PHC1: variants seen among roughly 807,000 people sequenced by gnomAD.
The protein encoded by PHC1 is polyhomeotic-like protein 1.
A neutral mutation model predicts 104.3 loss-of-function variants in PHC1; 12 were observed. The observed-to-expected ratio is 0.12, with a 90% CI of 0.07 to 0.19. The LOEUF is 0.19. PHC1 is among the 10% of genes least tolerant of loss of function. PHC1 has a pLI of 1.00. For missense variants in PHC1, 671 were observed against 1,200.0 expected (o/e 0.56, Z 6.51); for synonymous variants, 302 against 455.8 (o/e 0.66, Z 4.30).
At position 8,922,630 on chromosome 12, in the gene PHC1, C is replaced by T. The variant is rs774298369; in HGVS notation, c.457-3C>T. 1.9e-6 allele frequency: 3 copies of T among 1,564,200 alleles called. No individual in the cohort carries two copies. Among genetic ancestry groups the T allele is most frequent in the Admixed American group, 3.8e-5 (2 of 52,298 alleles). Reference sequence around the variant, plus strand: ...TTGCTCTTCCTCTTCCTCTCCTTGCCAGCCACAGCTGGGAAACCTATTGCA... The same window carrying T: ...TTGCTCTTCCTCTTCCTCTCCTTGCTAGCCACAGCTGGGAAACCTATTGCA... On this transcript the variant is annotated splice_region_variant and splice_polypyrimidine_tract_variant and intron_variant, in intron 5 of 14. Transcript: ENST00000544916.
chr12:8,936,129 C>T (rs944829552), intron 11 of PHC1, among the ~76,000 whole-genome samples: 1 of 152,098 alleles, frequency 6.6e-6, no homozygotes, highest in Non-Finnish European at 1.5e-5. Context: ...ACCTATAATT[C>T]CAGTACTTTG....
chr12:8,921,949 G>T (rs992759418), intron 5 of PHC1, among the ~76,000 whole-genome samples, 199 bp downstream of exon 5: 4 of 152,192 alleles, frequency 2.6e-5, no homozygotes, highest in Admixed American at 1.3e-4. Flanking sequence ...AGGTAGCTGG[G>T]ATTACAGGCA....
intron 9 of PHC1, 102 bp downstream of exon 9, chr12:8,934,114 G>T: frequency 7.1e-7 from 1 of 1,415,110 alleles, no homozygotes; most frequent in South Asian, 1.2e-5. Context: ...TGGGCCAGAA[G>T]TTGGTGGACA....
intron 6 of PHC1, among the ~76,000 whole-genome samples, chr12:8,927,860 TC>T (rs1299758270): frequency 1.7e-5 from 1 of 59,546 alleles, no homozygotes; most frequent in African/African-American, 8.4e-5. Context: ...TAGTTTTCTT[TC>T]TTTCTTTCTT....
Position 8,917,771 on chromosome 12 carries a change from T to C in PHC1, c.94T>C (p.Tyr32His), listed in dbSNP as rs1216795875. The C allele has an allele frequency of 2.6e-6, 4 of 1,564,834 alleles. No individual in the cohort carries two copies. The highest frequency in any genetic ancestry group is 3.5e-6 in the Non-Finnish European group (4 of 1,149,384). The part of the protein sequence containing the change: ...SRPQIAQMSL[Y>H]ERQAVQALQA... The stretch of plus-strand genomic sequence containing the variant: ...GCCCCAGATAGCTCAAATGTCACTT[T>C]ATGAACGACAAGCAGTGCAGGTGAG... Residue 32 changes from tyrosine (Y) to histidine (H), a missense_variant, in exon 2 of 15, where the codon TAT becomes CAT. Transcript: ENST00000544916.
In PHC1 at chr12:8,919,674, C is replaced by G. The variant is rs1945302202; in HGVS notation, c.115-82C>G. ...CTGGTTTCTGTCCTTCCCATGGCCCCCTTTCACACAAATACAGTGATTTAC... is the reference window on the plus strand; with the variant it reads ...CTGGTTTCTGTCCTTCCCATGGCCCGCTTTCACACAAATACAGTGATTTAC... On this transcript the variant is annotated intron_variant, in intron 2 of 14. Transcript: ENST00000544916. This position sits in a 1 kb window ranked among gnomAD's most constrained non-coding sequence, Gnocchi z 4.9. 4.4e-6 allele frequency: 6 copies of G among 1,356,030 alleles called. No homozygotes were observed. The Admixed American group carries it at 8.2e-5, about 19-fold the overall frequency. The allele number at this position is 1,356,030 out of a possible 1,614,324, so 84.0% of individuals were successfully genotyped here. A position where few individuals can be genotyped will look rare whatever the true frequency, so the allele number is the denominator to read the frequency against.
chr12:8,922,081 TA>T (rs1945382410), intron 5 of PHC1, among the ~76,000 whole-genome samples: 1 of 152,238 alleles, frequency 6.6e-6, no homozygotes, highest in South Asian at 2.1e-4. Context: ...CCCAAAGTGC[TA>T]GGATTACAGG....
chr12:8,937,612 T>C (rs1945876463), intron 13 of PHC1, among the ~76,000 whole-genome samples: 3 of 152,176 alleles, frequency 2.0e-5, no homozygotes, highest in African/African-American at 7.2e-5. Flanking sequence ...AAAATCTAGA[T>C]CAATTGTTAG....
intron 6 of PHC1, among the ~76,000 whole-genome samples, chr12:8,928,545 G>T (rs1945594541): frequency 6.6e-6 from 1 of 151,756 alleles, no homozygotes; most frequent in Admixed American, 6.6e-5. Context: ...TCTTCCCTCG[G>T]GTCCTTTTTT....
At chr12:8,931,358 A>G (rs1254575162) in intron 7 of PHC1, among the ~76,000 whole-genome samples, 1 of 152,244 alleles carries the variant, frequency 6.6e-6, no homozygotes, top group Non-Finnish European at 1.5e-5. Flanking sequence ...TAATGTGGTT[A>G]CTTGATCCAG....
Position 8,940,311 on chromosome 12 carries a change from T to TCTTA in PHC1, c.*855_*858dup, listed in dbSNP as rs1394154111. ...AAAGGATGAAAATTGGTTTCAGTTG[T>TCTTA]CTTACTCTATTCCAGTCTTTGCCCA... On this transcript the variant is annotated 3_prime_UTR_variant, in exon 15 of 15. Transcript: ENST00000544916. The TCTTA allele has an allele frequency of 5.8e-6, 1 of 171,868 alleles. No homozygotes were observed. The highest frequency in any genetic ancestry group is 1.3e-5 in the Non-Finnish European group (1 of 78,610). 10.6% of individuals were successfully genotyped at this position (171,868 alleles called of 1,614,324 possible). A position where few individuals can be genotyped will look rare whatever the true frequency, so the allele number is the denominator to read the frequency against.
Position 8,933,460 on chromosome 12 carries a change from T to C in PHC1, c.1893+110T>C, listed in dbSNP as rs894577695. The C allele has an allele frequency of 6.3e-6, 8 of 1,264,016 alleles. No homozygotes were observed. The African/African-American group carries it at 1.2e-4, about 19-fold the overall frequency. 78.3% of individuals were successfully genotyped at this position (1,264,016 alleles called of 1,614,324 possible). Reference sequence around the variant, plus strand: ...GGGAATAAAGAGTTAAGAGGGTTAATATTGGTATTTATCTGCTTCTTCTGT... The same window carrying C: ...GGGAATAAAGAGTTAAGAGGGTTAACATTGGTATTTATCTGCTTCTTCTGT... On this transcript the variant is annotated intron_variant, in intron 8 of 14. Transcript: ENST00000544916.
At position 8,919,922 on chromosome 12, in the gene PHC1, G is replaced by A. The variant is rs1397885856; in HGVS notation, c.225+56G>A. The A allele has an allele frequency of 6.4e-7, 1 of 1,570,450 alleles. No individual in the cohort carries two copies. Among genetic ancestry groups the A allele is most frequent in the African/African-American group, 1.3e-5 (1 of 74,126 alleles). On this transcript the variant is annotated intron_variant, in intron 3 of 14. Transcript: ENST00000544916. This position sits in a 1 kb window ranked among gnomAD's most constrained non-coding sequence, Gnocchi z 4.9. ...GGGAGGGGACAGGCACTACAGGTGG[G>A]TAGGGGAGATTTTTTGGGCATATAG...
chr12:8,932,445 C>T, intron 7 of PHC1, 118 bp from the exon 8 acceptor site: 1 of 1,044,326 alleles, frequency 9.6e-7, no homozygotes, highest in Non-Finnish European at 1.4e-6. Context: ...GATTTCTTTT[C>T]ACCGCATAAT....
At chr12:8,928,549 C>G (rs1332151552) in intron 6 of PHC1, among the ~76,000 whole-genome samples, 3 of 152,106 alleles carry the variant, frequency 2.0e-5, no homozygotes, top group East Asian at 3.9e-4. Flanking sequence ...CCCTCGGGTC[C>G]TTTTTTATAT....
intron 5 of PHC1, 130 bp from the exon 6 acceptor site, chr12:8,922,503 G>C (rs1945394495): frequency 2.4e-5 from 17 of 715,262 alleles, no homozygotes; most frequent in Non-Finnish European, 3.7e-5. Context: ...TCCTGGGTTG[G>C]TGTGGAAGAG....
chr12:8,924,090 T>TC (rs1565515161), intron 6 of PHC1, among the ~76,000 whole-genome samples: 1 of 152,178 alleles, frequency 6.6e-6, no homozygotes, highest in East Asian at 1.9e-4. Flanking sequence ...CTGGAACTAA[T>TC]CCCCTGTGGA....
At chr12:8,915,666 G>C (rs997142811) in intron 1 of PHC1, 1 of 142,774 alleles carries the variant, frequency 7.0e-6, no homozygotes, top group Admixed American at 7.4e-5. Context: ...TTGATACCTG[G>C]TGCTGCCCAA....
rs777870016 is a variant in PHC1, at chr12:8,930,761, G to A, written c.939G>A (p.Gln313=). ...CCAGAAAGGGTACAGGAGTGGTGCA[G>A]CCCTTGCCTGCAGCCCAAACAGTGA... ...SCPRKGTGVV[Q]PLPAAQTVTV... Residue 313 remains glutamine, a synonymous_variant, in exon 7 of 15, where the codon CAG becomes CAA. Transcript: ENST00000544916. The A allele has an allele frequency of 1.4e-5, 19 of 1,361,602 alleles. No individual in the cohort carries two copies. Among genetic ancestry groups the A allele is most frequent in the Non-Finnish European group, 1.8e-5 (18 of 984,946 alleles). 84.3% of individuals were successfully genotyped at this position (1,361,602 alleles called of 1,614,324 possible).
Sources: gnomAD v4.1 joint callset for allele counts (sites outside exome capture counted in the v4.1 genomes callset) on GRCh38, gnomAD v4.1.1 for gene constraint, Gnocchi (gnomAD v3.1) non-coding constraint, MANE v1.5 for transcripts, NCBI Gene and HGNC (gene_info 2026-07-23, HGNC 2026-07-21) for gene names.